The following CDKAL1 variants were observed in gnomAD, a reference collection of about 807,000 sequenced individuals.
CDKAL1 encodes the protein CDKAL1 threonylcarbamoyladenosine tRNA methylthiotransferase, also known as threonylcarbamoyladenosine tRNA methylthiotransferase.
Under a neutral mutation model 68.2 loss-of-function variants are expected in CDKAL1, and 32 were observed. The ratio of observed to expected loss-of-function variants is 0.47; its 90% CI spans 0.35 to 0.63. The LOEUF is 0.63. Among genes scored for constraint, CDKAL1 ranks in the 30% least tolerant of loss-of-function variants. The pLI is 0.00. For synonymous variants in CDKAL1, 234 were observed against 244.3 expected (o/e 0.96, Z 0.39); for missense variants, 606 against 696.7 (o/e 0.87, Z 1.47).
At chr6:20,895,367 C>G (rs2150585973) in intron 9 of CDKAL1, among the ~76,000 whole-genome samples, 1 of 152,282 alleles carries the variant, frequency 6.6e-6, no homozygotes, top group South Asian at 2.1e-4. Flanking sequence ...GATTCCTTAC[C>G]TATAAATGAA....
intron 13 of CDKAL1, among the ~76,000 whole-genome samples, chr6:21,168,410 G>T (rs897835909): frequency 6.6e-6 from 1 of 152,222 alleles, no homozygotes; most frequent in Non-Finnish European, 1.5e-5. Flanking sequence ...AGCAGATGCT[G>T]TACAGGTAAC....
At chr6:21,219,485 G>T (rs1562126380) in intron 15 of CDKAL1, among the ~76,000 whole-genome samples, 1 of 152,188 alleles carries the variant, frequency 6.6e-6, no homozygotes, top group South Asian at 2.1e-4. Context: ...AGGACCAATT[G>T]TATAAACCAT....
intron 13 of CDKAL1, among the ~76,000 whole-genome samples, chr6:21,140,739 A>C (rs373997773): frequency 6.6e-6 from 1 of 152,284 alleles, no homozygotes; most frequent in African/African-American, 2.4e-5. Flanking sequence ...GCATTAAAAA[A>C]CACTGGGTTC....
intron 9 of CDKAL1, among the ~76,000 whole-genome samples, chr6:20,898,869 G>T (rs1031606987): frequency 1.3e-5 from 2 of 151,860 alleles, no homozygotes; most frequent in African/African-American, 4.8e-5. Context: ...AGATTCAAGG[G>T]CTCCCAGGGT....
Position 21,173,749 on chromosome 6 carries a change from T to C in CDKAL1, c.1300-24272T>C, listed in dbSNP as rs188025057. 1.2e-3 allele frequency among the ~76,000 whole-genome samples: 188 copies of C among 151,512 alleles called. 1 individual carries two copies. The highest frequency in any genetic ancestry group is 4.3e-3 in the African/African-American group (179 of 41,310). On this transcript the variant is annotated intron_variant, in intron 13 of 15. Transcript: ENST00000274695. ...CTGAAAAACTAATAAGACCATTGAG[T>C]TTGAGCTAACTACAAGATACCATCA...
intron 8 of CDKAL1, among the ~76,000 whole-genome samples, chr6:20,792,636 T>G (rs535465779): frequency 4.6e-5 from 7 of 152,216 alleles, no homozygotes; most frequent in Non-Finnish European, 1.5e-5. Flanking sequence ...TGGATTTATT[T>G]ATTTAGGACC....
intron 11 of CDKAL1, among the ~76,000 whole-genome samples, chr6:21,027,009 C>T (rs1768998813): frequency 6.6e-6 from 1 of 152,114 alleles, no homozygotes; most frequent in South Asian, 2.1e-4. Flanking sequence ...CTGCCCTGGA[C>T]CTCATGGTCC....
At chr6:21,107,016 C>T (rs1024202341) in intron 12 of CDKAL1, among the ~76,000 whole-genome samples, 160 of 146,700 alleles carry the variant, frequency 1.1e-3, no homozygotes, top group African/African-American at 3.6e-3. Flanking sequence ...GGCACTATCT[C>T]GGCTCACTGC....
chr6:20,695,523 A>G (rs1771071344), intron 5 of CDKAL1, among the ~76,000 whole-genome samples: 1 of 152,186 alleles, frequency 6.6e-6, no homozygotes, highest in Admixed American at 6.5e-5. Flanking sequence ...TAACAGGAAG[A>G]AGTGATATTT....
intron 10 of CDKAL1, among the ~76,000 whole-genome samples, chr6:20,984,491 G>A (rs924785854): frequency 1.3e-5 from 2 of 152,192 alleles, no homozygotes. Flanking sequence ...GACGGCTTAA[G>A]TGTTAACAGC....
At position 20,980,192 on chromosome 6, in the gene CDKAL1, GATAGATATAGATATAGATATAGAT is replaced by G. The variant is rs61624482; in HGVS notation, c.910-20013_910-19990del. The stretch of plus-strand genomic sequence containing the variant: ...TTCTGATTAGAAGCCTCCAAAGATA[GATAGATATAGATATAGATATAGAT>G]ATAGATATAGATATAGATATATAGA... On this transcript the variant is annotated intron_variant, in intron 10 of 15. Transcript: ENST00000274695. 1.1e-4 allele frequency among the ~76,000 whole-genome samples: 17 copies of G among 149,088 alleles called. No individual in the cohort carries two copies. In the South Asian group the frequency reaches 3.4e-3, roughly 30 times the overall value.
chr6:20,973,350 T>G (rs1167044471), intron 10 of CDKAL1, among the ~76,000 whole-genome samples: 1 of 152,160 alleles, frequency 6.6e-6, no homozygotes, highest in African/African-American at 2.4e-5. Context: ...CTAATGTTTA[T>G]TTTCTCATGA....
chr6:20,987,879 A>G (rs1053865200), intron 10 of CDKAL1, among the ~76,000 whole-genome samples: 3 of 151,052 alleles, frequency 2.0e-5, no homozygotes, highest in East Asian at 1.9e-4. Context: ...TCCTGGGCTC[A>G]TGTGATCCTT....
chr6:20,924,931 T>C (rs1372183081), intron 9 of CDKAL1, among the ~76,000 whole-genome samples: 3 of 152,354 alleles, frequency 2.0e-5, no homozygotes, highest in Admixed American at 6.5e-5. Flanking sequence ...GAGTATTACA[T>C]AAACTTAGTT....
intron 15 of CDKAL1, among the ~76,000 whole-genome samples, chr6:21,216,765 C>A (rs773339859): frequency 2.0e-5 from 3 of 152,170 alleles, no homozygotes; most frequent in Non-Finnish European, 4.4e-5. Flanking sequence ...TTTGACCAAC[C>A]CTTCCCCAAC....
chr6:20,885,153 T>C (rs1412928134), intron 9 of CDKAL1, among the ~76,000 whole-genome samples: 1 of 152,202 alleles, frequency 6.6e-6, no homozygotes, highest in Admixed American at 6.5e-5. Context: ...CCCCTTTTTT[T>C]TGCAGTTCTA....
At chr6:20,584,884 C>T (rs1042190357) in intron 4 of CDKAL1, among the ~76,000 whole-genome samples, 5 of 152,078 alleles carry the variant, frequency 3.3e-5, no homozygotes, top group East Asian at 1.9e-4. Context: ...CTTTTGATAA[C>T]GTGCTCTCAT....
chr6:20,769,043 G>T (rs914419444), intron 7 of CDKAL1, among the ~76,000 whole-genome samples: 1 of 152,026 alleles, frequency 6.6e-6, no homozygotes, highest in Non-Finnish European at 1.5e-5. Flanking sequence ...TCCTGAGGTG[G>T]AAAAACAGCC....
At chr6:21,209,330 C>A (rs116161287) in intron 15 of CDKAL1, among the ~76,000 whole-genome samples, 1,898 of 152,264 alleles carry the variant, frequency 0.012, 15 homozygotes, top group Admixed American at 0.02. Flanking sequence ...AAGACGTGGA[C>A]CGACTTCCCT....
Sources: allele counts gnomAD v4.1 joint callset (sites outside exome capture counted in the v4.1 genomes callset), GRCh38; gene constraint gnomAD v4.1.1; transcripts MANE v1.5; gene names NCBI Gene and HGNC (gene_info 2026-07-23, HGNC 2026-07-21).